NAV1: variants seen among roughly 807,000 people sequenced by gnomAD.
NAV1 encodes the protein neuron navigator 1, also known as pore membrane and/or filament interacting like protein 3.
In NAV1, 18 loss-of-function variants were observed where a neutral mutation model predicts 175.2. The ratio of observed to expected loss-of-function variants is 0.10; its 90% confidence interval spans 0.07 to 0.15. The LOEUF (loss-of-function observed/expected upper bound fraction) is 0.15. Among genes scored for constraint, NAV1 ranks in the 10% least tolerant of loss-of-function variants. The pLI is 1.00. For synonymous variants in NAV1, 897 were observed against 978.7 expected (o/e 0.92, Z 1.56); for missense variants, 1,731 against 2,436.6 (o/e 0.71, Z 6.10).
chr1:201,708,907 G>C (rs1023755752), intron 1 of NAV1, among the ~76,000 whole-genome samples: 1 of 152,110 alleles, frequency 6.6e-6, no homozygotes, highest in African/African-American at 2.4e-5. Context: ...CCAGCACTTT[G>C]GGGGGCTGAG....
intron 1 of NAV1, among the ~76,000 whole-genome samples, chr1:201,623,821 A>G (rs1008647358): frequency 3.9e-5 from 6 of 152,196 alleles, no homozygotes; most frequent in Non-Finnish European, 1.5e-5. Flanking sequence ...CGCTGACTGA[A>G]GCTCTGATCT....
chr1:201,803,508 C>T, intron 15 of NAV1, 85 bp from the exon 20 acceptor site: 7 of 1,468,338 alleles, frequency 4.8e-6, no homozygotes, highest in Non-Finnish European at 6.4e-6. Flanking sequence ...TCTCCTTTCT[C>T]TTATCTTCTG....
rs1678438754 is a variant in NAV1, at chr1:201,808,303, C to A, written c.3846-115C>A. The A allele has an allele frequency of 1.4e-6, 2 of 1,396,710 alleles. No homozygotes were observed. Among genetic ancestry groups the A allele is most frequent in the Admixed American group, 2.2e-5 (1 of 44,500 alleles). 86.5% of individuals were successfully genotyped at this position (1,396,710 alleles called of 1,614,324 possible). A position where few individuals can be genotyped will look rare whatever the true frequency, so the allele number is the denominator to read the frequency against. ...CAACAGATGGACCTTTCTTCTCATGCTGATTGAATATCAATGGGCAGGAGA... is the reference window on the plus strand; with the variant it reads ...CAACAGATGGACCTTTCTTCTCATGATGATTGAATATCAATGGGCAGGAGA... On this transcript the variant is annotated intron_variant, in intron 18 of 29. Transcript: ENST00000367296. This position sits in a 1 kb window ranked among gnomAD's most constrained non-coding sequence, Gnocchi z 5.5.
chr1:201,731,380 A>G (rs1244128969), intron 3 of NAV1, among the ~76,000 whole-genome samples: 2 of 151,932 alleles, frequency 1.3e-5, no homozygotes, highest in African/African-American at 4.8e-5. Flanking sequence ...AGGCACAGAG[A>G]GTGTCTGAGA....
chr1:201,762,442 G>A (rs1455816491), intron 3 of NAV1, among the ~76,000 whole-genome samples: 1 of 152,214 alleles, frequency 6.6e-6, no homozygotes, highest in East Asian at 1.9e-4. Context: ...CCTGCAAGCT[G>A]AGAGTGGATT....
chr1:201,568,081 A>G (rs1359254291), intron 1 of NAV1, among the ~76,000 whole-genome samples: 2 of 152,124 alleles, frequency 1.3e-5, no homozygotes, highest in South Asian at 2.1e-4. Context: ...TGGGCTGTGT[A>G]CCTAAGGAGT....
intron 1 of NAV1, among the ~76,000 whole-genome samples, chr1:201,563,161 T>C (rs1472692792): frequency 1.3e-5 from 2 of 152,118 alleles, no homozygotes; most frequent in African/African-American, 2.4e-5. Flanking sequence ...GGTGCAGACA[T>C]GCTTAGCAAG....
intron 3 of NAV1, among the ~76,000 whole-genome samples, chr1:201,733,735 A>G (rs984710139): frequency 6.6e-6 from 1 of 152,140 alleles, no homozygotes; most frequent in Non-Finnish European, 1.5e-5. Flanking sequence ...AGAAGAGTAT[A>G]TGCAAAGGCC....
chr1:201,605,153 CT>C lies in NAV1; in HGVS notation c.-33+16505del, dbSNP rs545945752. Among the ~76,000 whole-genome samples the C allele has an allele frequency of 2.2e-4, 33 of 151,018 alleles. No homozygotes were observed. In the South Asian group the frequency reaches 5.0e-3, roughly 23 times the overall value. On this transcript the variant is annotated intron_variant, in intron 2 of 33. Coordinates refer to the NAV1 transcript ENST00000685211. ...GCTTTTTTTTTTTTTTTCCTTCCCC[CT>C]GATCCTGTCTTCTGCTTCTCTCCCA...
chr1:201,544,414 C>A (rs1363400859), intron 1 of NAV1, among the ~76,000 whole-genome samples: 1 of 152,166 alleles, frequency 6.6e-6, no homozygotes, highest in Admixed American at 6.5e-5. Context: ...TAAATACCAA[C>A]TTCTGTAAAA....
At position 201,787,555 on chromosome 1, in the gene NAV1, T is replaced by C. The variant is rs1190224288; in HGVS notation, c.2996-913T>C. 7 of 421,388 alleles carry C rather than the reference T, an allele frequency of 1.7e-5. No individual in the cohort carries two copies. The East Asian group carries it at 2.2e-4, about 13-fold the overall frequency. The allele number at this position is 421,388 out of a possible 1,614,324, so 26.1% of individuals were successfully genotyped here. A position where few individuals can be genotyped will look rare whatever the true frequency, so the allele number is the denominator to read the frequency against. On this transcript the variant is annotated intron_variant, in intron 9 of 29. Coordinates refer to ENST00000367296, the Ensembl canonical transcript of NAV1. The surrounding 1 kb of genome is among the most constrained non-coding windows in gnomAD (Gnocchi z 4.3). The stretch of plus-strand genomic sequence containing the variant: ...TCCATTGAAGACCAAATAAGAAGAA[T>C]TGCATTTATGCTGCAGAATGAGGGG...
At chr1:201,689,116 G>A (rs1464190880) in intron 1 of NAV1, among the ~76,000 whole-genome samples, 2 of 152,276 alleles carry the variant, frequency 1.3e-5, no homozygotes, top group African/African-American at 2.4e-5. Context: ...CATTCTCAAC[G>A]AATTCTAAAG....
chr1:201,690,468 G>A (rs563355906), intron 1 of NAV1, among the ~76,000 whole-genome samples: 2,570 of 136,810 alleles, frequency 0.019, 60 homozygotes, highest in African/African-American at 0.068. Flanking sequence ...GCCTGTCCGT[G>A]GCAGAGTATG....
rs1673372163 is a variant in NAV1 at position 201,740,788 on chromosome 1, A to G, written c.1226+22033A>G. 6.6e-6 allele frequency among the ~76,000 whole-genome samples: 1 copy of G among 152,074 alleles called. No individual in the cohort carries two copies. The highest frequency in any genetic ancestry group is 6.6e-5 in the Admixed American group (1 of 15,264). On this transcript the variant is annotated intron_variant, in intron 3 of 29. Coordinates refer to ENST00000367296, the Ensembl canonical transcript of NAV1. This position sits in a 1 kb window ranked among gnomAD's most constrained non-coding sequence, Gnocchi z 4.7. ...GGGCAAGGCACAGAGGCTCCTTCAT[A>G]AAGGGGAAGTGAGTGTAACCACAGC...
chr1:201,784,404 T>C (rs1289177659), intron 7 of NAV1, among the ~76,000 whole-genome samples: 2 of 152,072 alleles, frequency 1.3e-5, no homozygotes, highest in South Asian at 2.1e-4. Context: ...GTGATCTGCC[T>C]ACATCAGCTT....
In NAV1 at chr1:201,718,486, C is replaced by T; in HGVS notation, c.957C>T (p.Gly319=). 6.2e-7 allele frequency: 1 copy of T among 1,604,712 alleles called. No individual in the cohort carries two copies. The highest frequency in any genetic ancestry group is 8.5e-7 in the Non-Finnish European group (1 of 1,173,510). ...CGTCCCCTCTGTCATGGCGCTATGG[C>T]CAGTCCAGTCCGCGGCTGCAGGCTG... The change falls in exon 3 of 30, where the codon GGC becomes GGT. Residue 319 remains glycine (G), a synonymous_variant. Coordinates refer to ENST00000367296, the Ensembl canonical transcript of NAV1. The surrounding 1 kb of genome is among the most constrained non-coding windows in gnomAD (Gnocchi z 4.8).
chr1:201,627,552 A>T (rs1668369738), intron 1 of NAV1, among the ~76,000 whole-genome samples: 1 of 119,938 alleles, frequency 8.3e-6, no homozygotes, highest in African/African-American at 3.2e-5. Context: ...TACTGGGATT[A>T]TAGAAATGAG....
At chr1:201,587,456 G>C (rs1210846971) in intron 1 of NAV1, among the ~76,000 whole-genome samples, 1 of 152,038 alleles carries the variant, frequency 6.6e-6, no homozygotes, top group East Asian at 1.9e-4. Flanking sequence ...GAGGCCAAGG[G>C]GGGTGGGTTG....
At chr1:201,644,596 G>T (rs1668913416), upstream of NAV1, among the ~76,000 whole-genome samples, 2 of 152,178 alleles carry the variant, frequency 1.3e-5, no homozygotes, top group Non-Finnish European at 2.9e-5. Context: ...GCACTCAAGG[G>T]GATTGGCACT....
Sources: allele counts gnomAD v4.1 joint callset (sites outside exome capture counted in the v4.1 genomes callset), GRCh38; gene constraint gnomAD v4.1.1; non-coding constraint Gnocchi (gnomAD v3.1); transcripts MANE v1.5; gene names NCBI Gene and HGNC (gene_info 2026-07-23, HGNC 2026-07-21).